SPMIP4: variants seen among roughly 807,000 people sequenced by gnomAD.
SPMIP4 encodes the protein sperm-associated microtubule inner protein 4.
the SPMIP4 span, among the ~76,000 whole-genome samples, chr7:25,167,055 G>T: frequency 9.2e-5 from 14 of 152,252 alleles, no homozygotes; most frequent in South Asian, 2.9e-3. Context: ...TTACACACTG[G>T]AATTCTGTAT....
chr7:25,155,943 A>T, the SPMIP4 span, among the ~76,000 whole-genome samples: 1 of 152,194 alleles, frequency 6.6e-6, no homozygotes, highest in East Asian at 1.9e-4. Context: ...AGCAAGACCA[A>T]GTGTTTATGT....
chr7:25,134,232 C>T, the SPMIP4 span, among the ~76,000 whole-genome samples: 7 of 151,536 alleles, frequency 4.6e-5, no homozygotes, highest in African/African-American at 1.7e-4. Context: ...TGCATTCCAG[C>T]CCAGGCAACA....
At chr7:25,163,520 G>T in the SPMIP4 span, among the ~76,000 whole-genome samples, 14 of 152,180 alleles carry the variant, frequency 9.2e-5, no homozygotes, top group African/African-American at 3.4e-4. The surrounding 1 kb of genome is among the most constrained non-coding windows in gnomAD (Gnocchi z 4.4). Flanking sequence ...TGTGTGTCAG[G>T]TTTTCTCCAG....
chr7:25,134,333 T>TA, the SPMIP4 span, among the ~76,000 whole-genome samples: 354 of 129,886 alleles, frequency 2.7e-3, no homozygotes, highest in African/African-American at 6.5e-3. Flanking sequence ...ACACATTTTG[T>TA]AAAAAAAAAA....
the SPMIP4 span, chr7:25,126,051 GTAAATA>G: frequency 2.7e-6 from 1 of 373,924 alleles, no homozygotes; most frequent in Non-Finnish European, 3.1e-6. Context: ...TACGAAGTAG[GTAAATA>G]TATATATATA....
the SPMIP4 span, among the ~76,000 whole-genome samples, chr7:25,173,851 C>T: frequency 2.6e-5 from 4 of 152,014 alleles, no homozygotes; most frequent in Non-Finnish European, 4.4e-5. The surrounding 1 kb of genome is among the most constrained non-coding windows in gnomAD (Gnocchi z 4.4). Flanking sequence ...CTGGCATCCA[C>T]CTAAAGCTGG....
chr7:25,179,193 G>T, the SPMIP4 span: 2 of 1,608,098 alleles, frequency 1.2e-6, no homozygotes, highest in Non-Finnish European at 1.7e-6. Context: ...TGAGGCAGTT[G>T]GGCGAGTAAC....
the SPMIP4 span, among the ~76,000 whole-genome samples, chr7:25,150,287 T>C: frequency 6.6e-6 from 1 of 152,192 alleles, no homozygotes; most frequent in Non-Finnish European, 1.5e-5. Context: ...CATGTAATGA[T>C]AGGATGGGTT....
chr7:25,158,719 C>A, the SPMIP4 span, among the ~76,000 whole-genome samples: 1 of 151,312 alleles, frequency 6.6e-6, no homozygotes, highest in Admixed American at 6.6e-5. Context: ...GGGCAACATA[C>A]AAAATAGAAA....
At chr7:25,128,048 C>T in the SPMIP4 span, among the ~76,000 whole-genome samples, 1 of 152,244 alleles carries the variant, frequency 6.6e-6, no homozygotes, top group Non-Finnish European at 1.5e-5. The surrounding 1 kb of genome is among the most constrained non-coding windows in gnomAD (Gnocchi z 4.5). Flanking sequence ...ATCTTACTTT[C>T]ACCCAAACAA....
chr7:25,165,562 C>A, the SPMIP4 span, among the ~76,000 whole-genome samples: 1 of 152,296 alleles, frequency 6.6e-6, no homozygotes, highest in African/African-American at 2.4e-5. Context: ...AAGTGATTCT[C>A]CTGCCTCAGC....
the SPMIP4 span, among the ~76,000 whole-genome samples, chr7:25,133,958 T>A: frequency 1.3e-5 from 2 of 152,278 alleles, no homozygotes; most frequent in East Asian, 3.9e-4. Flanking sequence ...GTTGCCAATG[T>A]ATGACAAAAA....
the SPMIP4 span, among the ~76,000 whole-genome samples, chr7:25,164,854 A>G: frequency 5.9e-5 from 9 of 152,232 alleles, no homozygotes; most frequent in South Asian, 1.9e-3. Context: ...CTTAGCTCCA[A>G]CTTCTAGGTG....
the SPMIP4 span, among the ~76,000 whole-genome samples, chr7:25,165,767 G>A: frequency 1.1e-4 from 16 of 152,248 alleles, no homozygotes; most frequent in African/African-American, 3.4e-4. Context: ...CTGAGATGTG[G>A]CATTCGCCAT....
At chr7:25,166,033 A>T in the SPMIP4 span, among the ~76,000 whole-genome samples, 1 of 152,104 alleles carries the variant, frequency 6.6e-6, no homozygotes, top group Non-Finnish European at 1.5e-5. Flanking sequence ...GCCTGAGAAC[A>T]TGAGCTTCAT....
the SPMIP4 span, chr7:25,154,956 GA>G: frequency 1.3e-6 from 2 of 1,507,086 alleles, no homozygotes; most frequent in African/African-American, 2.8e-5. Context: ...TTTTATTATT[GA>G]AGAAATCCCA....
chr7:25,135,724 T>G, the SPMIP4 span: 1 of 1,072,464 alleles, frequency 9.3e-7, no homozygotes, highest in African/African-American at 1.6e-5. Context: ...GATGAGAGAT[T>G]AAAGACTATA....
the SPMIP4 span, chr7:25,179,362 T>TC: frequency 6.3e-7 from 1 of 1,579,506 alleles, no homozygotes. Flanking sequence ...CACATTTGGC[T>TC]TGTCGAGTCA....
chr7:25,140,071 G>C, the SPMIP4 span, among the ~76,000 whole-genome samples: 9 of 152,126 alleles, frequency 5.9e-5, no homozygotes, highest in Admixed American at 6.5e-5. Flanking sequence ...ATACAGGGTC[G>C]AATCTCTGGA....
Sources: gnomAD v4.1 joint callset for allele counts (sites outside exome capture counted in the v4.1 genomes callset) on GRCh38, gnomAD v4.1.1 for gene constraint, Gnocchi (gnomAD v3.1) non-coding constraint, MANE v1.5 for transcripts, NCBI Gene and HGNC (gene_info 2026-07-23, HGNC 2026-07-21) for gene names.